YARS2: variants seen among roughly 807,000 people sequenced by gnomAD.
The protein encoded by YARS2 is tyrosyl-tRNA synthetase 2.
YARS2 carries 38 observed loss-of-function variants against 45.0 expected under a neutral mutation model. The observed-to-expected ratio is 0.84, with a 90% CI of 0.65 to 1.11. The LOEUF is 1.11. Among genes scored for constraint, YARS2 ranks in the 50% least tolerant of loss-of-function variants. YARS2 has a pLI of 0.00. For synonymous variants in YARS2, 287 were observed against 245.1 expected (o/e 1.17, Z -1.60); for missense variants, 602 against 599.8 (o/e 1.00, Z -0.04).
Position 32,750,097 on chromosome 12 carries a change from C to T in YARS2, c.1114G>A (p.Ala372Thr). The change falls in exon 4 of 5, where the codon GCC becomes ACC. Residue 372 changes from alanine to threonine, a missense_variant. Transcript: ENST00000324868. Reference sequence around the variant, plus strand: ...GCATCTATGCTACTGTGATAAAGGGCTTGTGTACACCTGAAAAACACATTT... The same window carrying T: ...GCATCTATGCTACTGTGATAAAGGGTTTGTGTACACCTGAAAAACACATTT... ...GLDSAKRCTQALYHSSIDALE... is the reference protein window; with the variant it reads ...GLDSAKRCTQTLYHSSIDALE... 6.2e-7 allele frequency: 1 copy of T among 1,614,008 alleles called. No homozygotes were observed. Among genetic ancestry groups the T allele is most frequent in the Non-Finnish European group, 8.5e-7 (1 of 1,179,988 alleles).
In YARS2 at chr12:32,754,040, T is replaced by C; in HGVS notation, c.825A>G (p.Thr275=). 2 of 1,614,204 alleles carry C rather than the reference T, an allele frequency of 1.2e-6. No individual in the cohort carries two copies. Among genetic ancestry groups the C allele is most frequent in the Non-Finnish European group, 1.7e-6 (2 of 1,180,026 alleles). ...DVFGITVPLI[T]STTGAKLGKS... is the part of the protein sequence containing the mutation. The stretch of plus-strand genomic sequence containing the variant: ...TTCCCAGCTTTGCTCCAGTTGTACT[T>C]GTAATTAGAGGAACGGTGATTCCAA... The change falls in exon 2 of 5, where the codon ACA becomes ACG. Residue 275 remains threonine (T), a synonymous_variant. Coordinates refer to ENST00000324868, the MANE Select transcript of YARS2 (RefSeq NM_001040436.3).
rs778340802 is a variant in YARS2 at position 32,750,057 on chromosome 12, G to C, written c.1154C>G (p.Ser385Cys). 1.5e-5 allele frequency: 24 copies of C among 1,614,006 alleles called. No individual in the cohort carries two copies. Among genetic ancestry groups the C allele is most frequent in the Non-Finnish European group, 2.0e-5 (24 of 1,180,040 alleles). ...AAACAACTCTTTTAACTCCTGATCA[G>C]ACATGACCTCCAGTGCATCTATGCT... ...HSSIDALEVM[S>C]DQELKELFKE... The change falls in exon 4 of 5, where the codon TCT becomes TGT. Residue 385 changes from serine to cysteine, a missense_variant. By Grantham distance (112) the Ser-to-Cys change is moderately radical. Transcript: ENST00000324868.
chr12:32,755,437 T>A lies in YARS2; in HGVS notation c.438A>T (p.Leu146=). 6.2e-7 allele frequency: 1 copy of A among 1,613,286 alleles called. No individual in the cohort carries two copies. The highest frequency in any genetic ancestry group is 8.5e-7 in the Non-Finnish European group (1 of 1,179,832). ...RVRANARALR[L]GLEALAANHQ... is the part of the protein sequence containing the mutation. ...GATTAGCCGCCAGGGCCTCAAGCCC[T>A]AGGCGCAGAGCTCGCGCGTTGGCTC... Residue 146 remains leucine (L), a synonymous_variant, in exon 1 of 5, where the codon CTA becomes CTT. Transcript: ENST00000324868.
In YARS2 at chr12:32,755,353, C is replaced by CGAGTT. The variant is rs1364124943; in HGVS notation, c.517_521dup (p.Ala175ThrfsTer27). 6.2e-7 allele frequency: 1 copy of CGAGTT among 1,613,970 alleles called. No individual in the cohort carries two copies. Among genetic ancestry groups the CGAGTT allele is most frequent in the East Asian group, 2.2e-5 (1 of 44,882 alleles). ...CCAGGTGCTGCTTCTGGTACCAGGC[C>CGAGTT]GAGTTGTCCAGCACAGTGAAGCTGC... On this transcript the variant is annotated frameshift_variant, in exon 1 of 5. Transcript: ENST00000324868. LOFTEE classifies it high-confidence loss of function.
chr12:32,755,653 T>C lies in YARS2; in HGVS notation c.222A>G (p.Gln74=). The C allele has an allele frequency of 1.2e-6, 2 of 1,614,254 alleles. No individual in the cohort carries two copies. The highest frequency in any genetic ancestry group is 1.1e-5 in the South Asian group (1 of 91,092). The change falls in exon 1 of 5, where the codon CAA becomes CAG. Residue 74 remains glutamine (Q), a synonymous_variant. Coordinates refer to ENST00000324868, the MANE Select transcript of YARS2 (RefSeq NM_001040436.3). The part of the protein sequence containing the change: ...LFDRGTASFP[Q]TIYCGFDPTA... The stretch of plus-strand genomic sequence containing the variant: ...TGGGGTCGAAGCCACAGTAAATGGT[T>C]TGGGGAAAACTCGCCGTGCCACGGT...
Position 32,755,705 on chromosome 12 carries a change from G to T in YARS2, c.170C>A (p.Thr57Lys), listed in dbSNP as rs370485234. Residue 57 changes from threonine to lysine, a missense_variant, in exon 1 of 5, where the codon ACG becomes AAG. Thr to Lys is a moderately conservative substitution (Grantham distance 78, BLOSUM62 -1). Coordinates refer to ENST00000324868, the MANE Select transcript of YARS2 (RefSeq NM_001040436.3). The part of the protein sequence containing the change: ...LFKDFFPETG[T>K]KIELPELFDR... ...GAAGAGCTCTGGGAGCTCTATTTTC[G>T]TCCCCGTCTCCGGGAAGAAGTCCTT... 1 of 1,614,116 alleles carries T rather than the reference G, an allele frequency of 6.2e-7. No homozygotes were observed. Among genetic ancestry groups the T allele is most frequent in the Non-Finnish European group, 8.5e-7 (1 of 1,180,056 alleles).
Position 32,755,092 on chromosome 12 carries a change from T to G in YARS2, c.779+4A>C, listed in dbSNP as rs545481884. 5 of 1,614,166 alleles carry G rather than the reference T, an allele frequency of 3.1e-6. No homozygotes were observed. In the South Asian group the frequency reaches 3.3e-5, roughly 11 times the overall value. ...GGATTTCCCCAAGGTTTAAAGGCAC[T>G]TACTTGTTGATGAACTCATATCCGG... On this transcript the variant is annotated splice_donor_region_variant and intron_variant, in intron 1 of 4. Transcript: ENST00000324868.
rs1007220466 is a variant in YARS2 at position 32,754,000 on chromosome 12, C to G, written c.865G>C (p.Ala289Pro). ...GTCTTATCTCTGTTTAGCCAAACAGCGTTGCCAGCAGACTTTCCCAGCTTT... is the reference window on the plus strand; with the variant it reads ...GTCTTATCTCTGTTTAGCCAAACAGGGTTGCCAGCAGACTTTCCCAGCTTT... The part of the protein sequence containing the change: ...GAKLGKSAGN[A>P]VWLNRDKTSP... The change falls in exon 2 of 5, where the codon GCT becomes CCT. Residue 289 changes from alanine to proline, a missense_variant. Coordinates refer to ENST00000324868, the MANE Select transcript of YARS2 (RefSeq NM_001040436.3). 6.2e-7 allele frequency: 1 copy of G among 1,614,008 alleles called. No homozygotes were observed. The highest frequency in any genetic ancestry group is 8.5e-7 in the Non-Finnish European group (1 of 1,180,020).
rs1221916518 is a variant in YARS2, at chr12:32,755,149, C to T, written c.726G>A (p.Leu242=). 1.2e-6 allele frequency: 2 copies of T among 1,614,192 alleles called. No homozygotes were observed. Among genetic ancestry groups the T allele is most frequent in the Non-Finnish European group, 8.5e-7 (1 of 1,180,048 alleles). Reference sequence around the variant, plus strand: ...TGTTGCCTAGTTGATCAGATCCGCCCAGCTGGACCCTGCATCCATAACGCT... The same window carrying T: ...TGTTGCCTAGTTGATCAGATCCGCCTAGCTGGACCCTGCATCCATAACGCT... ...LFQRYGCRVQ[L]GGSDQLGNIM... The change falls in exon 1 of 5, where the codon CTG becomes CTA. Residue 242 remains leucine, a synonymous_variant. Coordinates refer to ENST00000324868, the MANE Select transcript of YARS2 (RefSeq NM_001040436.3).
chr12:32,754,711 CTTT>C (rs755897245), intron 1 of YARS2, among the ~76,000 whole-genome samples: 6 of 126,712 alleles, frequency 4.7e-5, no homozygotes, highest in Admixed American at 8.2e-5. Flanking sequence ...GTCTGTTTCC[CTTT>C]TTTTTTTTTT....
In YARS2 at chr12:32,746,895, C is replaced by T. The variant is rs1177802544; in HGVS notation, c.*309G>A. 2 of 305,716 alleles carry T rather than the reference C, an allele frequency of 6.5e-6. No individual in the cohort carries two copies. The highest frequency in any genetic ancestry group is 1.2e-5 in the Non-Finnish European group (2 of 162,024). 18.9% of individuals were successfully genotyped at this position (305,716 alleles called of 1,614,324 possible). A position where few individuals can be genotyped will look rare whatever the true frequency, so the allele number is the denominator to read the frequency against. The stretch of plus-strand genomic sequence containing the variant: ...TTCCTCATCACTACAAAAAGGAGAG[C>T]AGGAAGGGTAAGATAGGAAAGCAGC... On this transcript the variant is annotated 3_prime_UTR_variant, in exon 5 of 5. Transcript: ENST00000324868.
intron 3 of YARS2, 79 bp from the exon 4 acceptor site, chr12:32,750,186 G>A: frequency 6.4e-7 from 1 of 1,562,640 alleles, no homozygotes; most frequent in Non-Finnish European, 8.7e-7. Flanking sequence ...ACCAATTATA[G>A]AGTGTCCAAG....
In YARS2 at chr12:32,755,651, G is replaced by C. The variant is rs866901757; in HGVS notation, c.224C>G (p.Thr75Ser). ...FDRGTASFPQ[T>S]IYCGFDPTAD... ...CGTGGGGTCGAAGCCACAGTAAATG[G>C]TTTGGGGAAAACTCGCCGTGCCACG... The change falls in exon 1 of 5, where the codon ACC (threonine) becomes AGC (serine). Residue 75 changes from threonine to serine, a missense_variant. By Grantham distance (58) the Thr-to-Ser change is moderately conservative. Coordinates refer to ENST00000324868, the MANE Select transcript of YARS2 (RefSeq NM_001040436.3). 3.7e-6 allele frequency: 6 copies of C among 1,614,248 alleles called. No individual in the cohort carries two copies. Among genetic ancestry groups the C allele is most frequent in the Non-Finnish European group, 5.1e-6 (6 of 1,180,054 alleles).
Position 32,751,998 on chromosome 12 carries a change from G to C in YARS2, c.948-1124C>G, listed in dbSNP as rs1054484372. ...GCGTTATCACTGCCTTCAGTATTTA[G>C]TACAGTAATGTGCTGTATGTGCTTC... On this transcript the variant is annotated intron_variant, in intron 2 of 4. Transcript: ENST00000324868. Among the ~76,000 whole-genome samples the C allele has an allele frequency of 4.6e-5, 7 of 152,248 alleles. No individual in the cohort carries two copies. In the South Asian group the frequency reaches 1.5e-3, roughly 32 times the overall value.
intron 4 of YARS2, among the ~76,000 whole-genome samples, chr12:32,747,885 A>C (rs1335411209): frequency 6.6e-6 from 1 of 152,132 alleles, no homozygotes; most frequent in African/African-American, 2.4e-5. Flanking sequence ...TCTCAAGAAA[A>C]AAAAAGAAAG....
chr12:32,755,506 G>A lies in YARS2; in HGVS notation c.369C>T (p.Ser123=), dbSNP rs759060409. 66 of 1,612,220 alleles carry A rather than the reference G, an allele frequency of 4.1e-5. No homozygotes were observed. Among genetic ancestry groups the A allele is most frequent in the Non-Finnish European group, 5.4e-5 (64 of 1,179,460 alleles). Residue 123 remains serine, a synonymous_variant, in exon 1 of 5, where the codon AGC becomes AGT. Transcript: ENST00000324868. ...GGATARLGDP[S]GRTKEREALE... is the part of the protein sequence containing the mutation. The stretch of plus-strand genomic sequence containing the variant: ...GCGCCTCGCGTTCCTTGGTACGGCC[G>A]CTCGGGTCTCCCAGGCGCGCCGTGG...
intron 4 of YARS2, among the ~76,000 whole-genome samples, chr12:32,747,871 T>G (rs1407371010): frequency 2.0e-5 from 3 of 151,924 alleles, no homozygotes; most frequent in African/African-American, 7.3e-5. Context: ...TTTTAAAGAC[T>G]CCGTCTCAAG....
At chr12:32,753,177 G>A (rs768246356) in intron 2 of YARS2, among the ~76,000 whole-genome samples, 1 of 152,002 alleles carries the variant, frequency 6.6e-6, no homozygotes, top group Non-Finnish European at 1.5e-5. Flanking sequence ...AATTAGCTGG[G>A]CATGGTGGTG....
At position 32,755,673 on chromosome 12, in the gene YARS2, C is replaced by G; in HGVS notation, c.202G>C (p.Gly68Arg). The G allele has an allele frequency of 6.2e-7, 1 of 1,614,268 alleles. No individual in the cohort carries two copies. Among genetic ancestry groups the G allele is most frequent in the Non-Finnish European group, 8.5e-7 (1 of 1,180,052 alleles). ...ATGGTTTGGGGAAAACTCGCCGTGC[C>G]ACGGTCGAAGAGCTCTGGGAGCTCT... The part of the protein sequence containing the change: ...KIELPELFDR[G>R]TASFPQTIYC... The change falls in exon 1 of 5, where the codon GGC becomes CGC. Residue 68 changes from glycine to arginine, a missense_variant. Physicochemically the swap from Gly to Arg is moderately radical, Grantham distance 125. Transcript: ENST00000324868.
Sources: gnomAD v4.1 joint callset for allele counts (sites outside exome capture counted in the v4.1 genomes callset) on GRCh38, gnomAD v4.1.1 for gene constraint, MANE v1.5 for transcripts, NCBI Gene and HGNC (gene_info 2026-07-23, HGNC 2026-07-21) for gene names.